Variants in HESX1 observed in about 807,000 individuals in gnomAD.
HESX1 encodes the protein homeobox expressed in ES cells 1.
Under a neutral mutation model 22.5 loss-of-function variants are expected in HESX1, and 11 were observed. That is an observed-to-expected ratio of 0.49 (90% CI 0.31 to 0.81). The LOEUF is 0.81. Among genes scored for constraint, HESX1 ranks in the 30% least tolerant of loss-of-function variants. The pLI is 0.05. For missense variants in HESX1, 201 were observed against 212.6 expected (o/e 0.95, Z 0.34); for synonymous variants, 74 against 76.5 (o/e 0.97, Z 0.17).
intron 1 of HESX1, among the ~76,000 whole-genome samples, chr3:57,214,084 T>C (rs1330133484): frequency 1.3e-5 from 2 of 152,214 alleles, no homozygotes; most frequent in African/African-American, 4.8e-5. Flanking sequence ...TTATTAGGTA[T>C]GATAATGTGA....
intron 1 of HESX1, among the ~76,000 whole-genome samples, chr3:57,212,623 T>TA (rs990981429): frequency 2.0e-5 from 3 of 150,680 alleles, no homozygotes; most frequent in Admixed American, 6.6e-5. Context: ...ACGTAAATTT[T>TA]AAAAAAGATT....
chr3:57,219,542 T>C (rs1284117625), intron 1 of HESX1, among the ~76,000 whole-genome samples: 2 of 152,078 alleles, frequency 1.3e-5, no homozygotes. Flanking sequence ...TAATTTTTTG[T>C]ATTTTTAGTA....
intron 1 of HESX1, among the ~76,000 whole-genome samples, chr3:57,221,693 G>C (rs1027239343): frequency 1.3e-5 from 2 of 151,978 alleles, no homozygotes; most frequent in African/African-American, 4.8e-5. Context: ...TGCAAACTCT[G>C]CCTCCCGGGT....
upstream of HESX1, among the ~76,000 whole-genome samples, chr3:57,227,170 C>A (rs1342418601): frequency 6.6e-6 from 1 of 152,078 alleles, no homozygotes; most frequent in East Asian, 1.9e-4. Flanking sequence ...AAACTGGCAA[C>A]AAAATCACAT....
At chr3:57,201,879 CTA>C (rs1021630900), upstream of HESX1, among the ~76,000 whole-genome samples, 1 of 69,476 alleles carries the variant, frequency 1.4e-5, no homozygotes, top group Non-Finnish European at 3.1e-5. Context: ...CTATCTATAT[CTA>C]TCTATCTATC....
chr3:57,212,961 G>C (rs1385556085), intron 1 of HESX1, among the ~76,000 whole-genome samples: 1 of 151,876 alleles, frequency 6.6e-6, no homozygotes, highest in African/African-American at 2.4e-5. Context: ...CCTCCGACAG[G>C]CCTCGGTGTG....
At chr3:57,214,938 T>C (rs1486467996) in intron 1 of HESX1, among the ~76,000 whole-genome samples, 1 of 152,168 alleles carries the variant, frequency 6.6e-6, no homozygotes, top group Non-Finnish European at 1.5e-5. Context: ...ACAATACAAA[T>C]TGTATTTCTA....
intron 1 of HESX1, among the ~76,000 whole-genome samples, chr3:57,206,807 C>T (rs1365149062): frequency 6.6e-6 from 1 of 152,182 alleles, no homozygotes; most frequent in Non-Finnish European, 1.5e-5. Flanking sequence ...AGATTAACAG[C>T]AAGCAAACAT....
chr3:57,225,300 C>T (rs2060635643), intron 1 of HESX1, among the ~76,000 whole-genome samples: 1 of 152,216 alleles, frequency 6.6e-6, no homozygotes, highest in Non-Finnish European at 1.5e-5. Flanking sequence ...AAACCTACCT[C>T]TCCATCCAAC....
chr3:57,204,821 C>T (rs60465544), upstream of HESX1, among the ~76,000 whole-genome samples: 1,169 of 150,566 alleles, frequency 7.8e-3, 15 homozygotes, highest in African/African-American at 0.027. Flanking sequence ...AAAAATTACT[C>T]AGTGAATGGT....
At chr3:57,215,566 C>CGA (rs35186551) in intron 1 of HESX1, among the ~76,000 whole-genome samples, 72,323 of 151,762 alleles carry the variant, frequency 0.48, 17,946 homozygotes, top group East Asian at 0.92. Flanking sequence ...GTCAGCAGTT[C>CGA]GACCAGCCTG....
chr3:57,220,993 G>A (rs1352934224), intron 1 of HESX1, among the ~76,000 whole-genome samples: 3 of 152,038 alleles, frequency 2.0e-5, no homozygotes, highest in African/African-American at 4.8e-5. Context: ...TAGGGGTGAC[G>A]GCTTCTGCCC....
chr3:57,205,762 C>T (rs758292708), intron 1 of HESX1, among the ~76,000 whole-genome samples: 13 of 152,222 alleles, frequency 8.5e-5, no homozygotes, highest in Non-Finnish European at 1.9e-4. Context: ...TCCTGACATC[C>T]CTTGCCCTGT....
At chr3:57,214,347 A>G (rs916590168) in intron 1 of HESX1, among the ~76,000 whole-genome samples, 2 of 152,234 alleles carry the variant, frequency 1.3e-5, no homozygotes, top group African/African-American at 4.8e-5. Flanking sequence ...ATGTACATAC[A>G]CAATTACAAT....
chr3:57,199,153 GTTTA>G (rs1297442941), intron 1 of HESX1, among the ~76,000 whole-genome samples: 7 of 152,128 alleles, frequency 4.6e-5, no homozygotes, highest in Non-Finnish European at 7.3e-5. Flanking sequence ...TCTGAATGTC[GTTTA>G]TTTTTCAGTG....
chr3:57,206,147 C>T (rs1275950627), intron 1 of HESX1, among the ~76,000 whole-genome samples: 1 of 152,102 alleles, frequency 6.6e-6, no homozygotes, highest in Non-Finnish European at 1.5e-5. Context: ...GCCGAGATCA[C>T]GCCATTGCAC....
chr3:57,222,871 T>C (rs981405805), intron 1 of HESX1, among the ~76,000 whole-genome samples: 1 of 152,154 alleles, frequency 6.6e-6, no homozygotes, highest in Non-Finnish European at 1.5e-5. Context: ...GTAACTAATG[T>C]TATTTAAAAT....
chr3:57,200,117 T>A, upstream of HESX1: 1 of 582,594 alleles, frequency 1.7e-6, no homozygotes, highest in Non-Finnish European at 3.1e-6. Flanking sequence ...CTTAAGGAGT[T>A]AATTGTTTAT....
At chr3:57,226,623 A>T (rs1219091080), upstream of HESX1, 2 of 152,218 alleles carry the variant, frequency 1.3e-5, no homozygotes, top group Admixed American at 1.3e-4. Context: ...ATTTTCGTTT[A>T]AAATATATAA....
Sources: gnomAD v4.1 joint callset for allele counts (sites outside exome capture counted in the v4.1 genomes callset) on GRCh38, gnomAD v4.1.1 for gene constraint, MANE v1.5 for transcripts, NCBI Gene and HGNC (gene_info 2026-07-23, HGNC 2026-07-21) for gene names.